The following GAS7 variants were observed in gnomAD, a reference collection of about 807,000 sequenced individuals.
The protein encoded by GAS7 is growth arrest specific 7, also known as growth arrest-specific protein 7.
In GAS7, 28 loss-of-function variants were observed where a neutral mutation model predicts 71.1. That is an observed-to-expected ratio of 0.39 (90% CI 0.29 to 0.54). The LOEUF is 0.54. Ranked by LOEUF, GAS7 falls within the 20% of genes least tolerant of loss-of-function variation. The probability of loss-of-function intolerance (pLI) is 0.62; values close to 1 mark genes in which losing one functional copy is unlikely to be tolerated. For missense variants in GAS7, 436 were observed against 627.8 expected (o/e 0.69, Z 3.27); for synonymous variants, 258 against 245.8 (o/e 1.05, Z -0.46).
intron 1 of GAS7, among the ~76,000 whole-genome samples, chr17:10,152,358 A>C (rs1370140707): frequency 1.1e-4 from 16 of 152,254 alleles, no homozygotes; most frequent in Non-Finnish European, 8.8e-5. Flanking sequence ...TTCTGTGCTC[A>C]GCACCGTCTA....
intron 5 of GAS7, among the ~76,000 whole-genome samples, chr17:9,958,503 C>G (rs2069339492): frequency 6.6e-6 from 1 of 152,216 alleles, no homozygotes; most frequent in African/African-American, 2.4e-5. Context: ...GTTCCCTGCT[C>G]TCCTGCCCTT....
rs1567542873 is a variant in GAS7, at chr17:10,016,755, AATAAT to A, written c.304+3017_304+3021del. 9.6e-3 allele frequency among the ~76,000 whole-genome samples: 99 copies of A among 10,358 alleles called. 1 individual carries two copies. The highest frequency in any genetic ancestry group is 0.014 in the Non-Finnish European group (70 of 5,176). The allele number at this position is 10,358 out of a possible 152,430, so 6.8% of individuals were successfully genotyped here. On this transcript the variant is annotated intron_variant, in intron 2 of 13. Coordinates refer to ENST00000432992, the MANE Select transcript of GAS7 (RefSeq NM_201433.2). Reference sequence around the variant, plus strand: ...ATGGCAAAACATCTCTACAAAAAATAATAATAATAATAATAATAATAATAATAATA... The same window carrying A: ...ATGGCAAAACATCTCTACAAAAAATAAATAATAATAATAATAATAATAATA...
Position 10,058,220 on chromosome 17 carries a change from C to T in GAS7, c.184-38323G>A, listed in dbSNP as rs1053565757. Among the ~76,000 whole-genome samples the T allele has an allele frequency of 2.6e-4, 39 of 151,952 alleles. 1 individual carries two copies. Among genetic ancestry groups the T allele is most frequent in the Non-Finnish European group, 4.4e-5 (3 of 68,024 alleles). On this transcript the variant is annotated intron_variant, in intron 1 of 13. Transcript: ENST00000432992. ...TATGACCCTGCCAAATCTCCCAATG[C>T]GAGAAATACCCAAGAATGATCAATA...
intron 1 of GAS7, among the ~76,000 whole-genome samples, chr17:10,094,988 G>A (rs2073625979): frequency 6.6e-6 from 1 of 152,106 alleles, no homozygotes; most frequent in Non-Finnish European, 1.5e-5. Flanking sequence ...TCAACTGGAT[G>A]GCCTCCAGAT....
At chr17:10,007,103 A>G (rs183160794) in intron 2 of GAS7, among the ~76,000 whole-genome samples, 149 of 152,328 alleles carry the variant, frequency 9.8e-4, no homozygotes, top group African/African-American at 3.3e-3. Context: ...TGCCTCCACC[A>G]TTTTATTATT....
intron 2 of GAS7, among the ~76,000 whole-genome samples, chr17:9,997,711 C>T (rs2071102749): frequency 6.6e-6 from 1 of 152,262 alleles, no homozygotes; most frequent in African/African-American, 2.4e-5. Context: ...TTGTCACCTA[C>T]ACATCTGACA....
chr17:10,178,218 C>G (rs755560334), intron 1 of GAS7, among the ~76,000 whole-genome samples: 9 of 152,184 alleles, frequency 5.9e-5, no homozygotes, highest in Non-Finnish European at 1.3e-4. Context: ...CCTGCCTCTC[C>G]CATTCAGCAA....
At chr17:9,997,085 T>C (rs2071077001) in intron 2 of GAS7, among the ~76,000 whole-genome samples, 1 of 152,196 alleles carries the variant, frequency 6.6e-6, no homozygotes, top group East Asian at 1.9e-4. Context: ...GTTTAGCGTA[T>C]GGTAAAGAGG....
intron 1 of GAS7, among the ~76,000 whole-genome samples, chr17:10,089,217 C>T (rs561852710): frequency 5.3e-5 from 8 of 151,988 alleles, no homozygotes; most frequent in Non-Finnish European, 7.4e-5. Context: ...AGTTCCCATG[C>T]ACTGTCTTCC....
At position 10,070,108 on chromosome 17, in the gene GAS7, G is replaced by A. The variant is rs116729893; in HGVS notation, c.184-50211C>T. Among the ~76,000 whole-genome samples, 664 of 152,104 alleles carry A rather than the reference G, an allele frequency of 4.4e-3. 5 individuals are homozygous for A. The highest frequency in any genetic ancestry group is 0.016 in the African/African-American group (647 of 41,474). Reference sequence around the variant, plus strand: ...TCGGGAAATGCTATACTAGACCATAGGCACTAGATGACCTGCCCTGTTGAG... The same window carrying A: ...TCGGGAAATGCTATACTAGACCATAAGCACTAGATGACCTGCCCTGTTGAG... On this transcript the variant is annotated intron_variant, in intron 1 of 13. Coordinates refer to ENST00000432992, the MANE Select transcript of GAS7 (RefSeq NM_201433.2).
At chr17:10,089,241 C>T (rs2073554693) in intron 1 of GAS7, among the ~76,000 whole-genome samples, 1 of 151,860 alleles carries the variant, frequency 6.6e-6, no homozygotes, top group South Asian at 2.1e-4. Context: ...ATCCAGTCAC[C>T]CAGAGTGAAA....
chr17:10,153,643 T>C (rs1422565271), intron 1 of GAS7, among the ~76,000 whole-genome samples: 2 of 152,256 alleles, frequency 1.3e-5, no homozygotes, highest in Non-Finnish European at 2.9e-5. Context: ...ATTGTTCTTT[T>C]AAATTATTTA....
At chr17:10,063,094 G>A (rs1448487860) in intron 1 of GAS7, among the ~76,000 whole-genome samples, 1 of 152,250 alleles carries the variant, frequency 6.6e-6, no homozygotes, top group Middle Eastern at 3.2e-3. Flanking sequence ...TTGCCAGAGT[G>A]GGCCAAGAAA....
At chr17:10,020,396 A>G (rs2072220650) in intron 1 of GAS7, among the ~76,000 whole-genome samples, 1 of 152,232 alleles carries the variant, frequency 6.6e-6, no homozygotes, top group South Asian at 2.1e-4. Flanking sequence ...CTGAGAATCC[A>G]TGAAGAGCTG....
chr17:10,046,785 A>AAGGAAGGAAGG lies in GAS7; in HGVS notation c.184-26889_184-26888insCCTTCCTTCCT, dbSNP rs2072968883. 1.5e-4 allele frequency among the ~76,000 whole-genome samples: 10 copies of AAGGAAGGAAGG among 68,808 alleles called. 1 individual carries two copies. Among genetic ancestry groups the AAGGAAGGAAGG allele is most frequent in the Non-Finnish European group, 2.1e-4 (8 of 38,862 alleles). The allele number at this position is 68,808 out of a possible 152,430, so 45.1% of individuals were successfully genotyped here. A position where few individuals can be genotyped will look rare whatever the true frequency, so the allele number is the denominator to read the frequency against. On this transcript the variant is annotated intron_variant, in intron 1 of 13. Transcript: ENST00000432992. ...AAAGAAAGAAGAGAAAGAAAGAAAG[A>AAGGAAGGAAGG]AAGGAAGGAAGGAAGGAAGGAAGGA... is the stretch of plus-strand genomic sequence containing the variant.
chr17:10,128,188 A>G (rs2073966053), intron 1 of GAS7, among the ~76,000 whole-genome samples: 1 of 152,148 alleles, frequency 6.6e-6, no homozygotes, highest in Non-Finnish European at 1.5e-5. Flanking sequence ...CAACCCACAC[A>G]TGGGAGGTGG....
chr17:10,042,055 G>C (rs1361728899), intron 1 of GAS7, among the ~76,000 whole-genome samples: 5 of 152,092 alleles, frequency 3.3e-5, no homozygotes, highest in African/African-American at 1.2e-4. Context: ...CTAGCACGTT[G>C]GGAAGCCAAG....
chr17:10,184,430 G>A (rs1265910410), intron 1 of GAS7, among the ~76,000 whole-genome samples: 1 of 152,116 alleles, frequency 6.6e-6, no homozygotes. Context: ...CATGACCCTG[G>A]GTAGCCTCAT....
intron 1 of GAS7, among the ~76,000 whole-genome samples, chr17:10,148,234 A>G (rs2074135901): frequency 6.6e-6 from 1 of 152,060 alleles, no homozygotes; most frequent in Non-Finnish European, 1.5e-5. Flanking sequence ...TGGGGTGAAA[A>G]GCTGCCTCGT....
Sources: gnomAD v4.1 joint callset for allele counts (sites outside exome capture counted in the v4.1 genomes callset) on GRCh38, gnomAD v4.1.1 for gene constraint, MANE v1.5 for transcripts, NCBI Gene and HGNC (gene_info 2026-07-23, HGNC 2026-07-21) for gene names.